C1orf146: variants seen among roughly 807,000 people sequenced by gnomAD.
C1orf146 encodes the protein protein SPO16 homolog.
C1orf146 carries 22 observed loss-of-function variants against 23.0 expected under a neutral mutation model. The ratio of observed to expected loss-of-function variants is 0.96; its 90% CI spans 0.68 to 1.36. C1orf146 has a LOEUF of 1.36. Among genes scored for constraint, C1orf146 ranks in the 40% most tolerant of loss-of-function variants. C1orf146 has a pLI of 0.00. For missense variants in C1orf146, 199 were observed against 206.8 expected (o/e 0.96, Z 0.23); for synonymous variants, 59 against 65.3 (o/e 0.90, Z 0.47).
intron 1 of C1orf146, among the ~76,000 whole-genome samples, chr1:92,225,071 G>A (rs1651933509): frequency 6.6e-6 from 1 of 150,644 alleles, no homozygotes; most frequent in South Asian, 2.1e-4. Context: ...ATGGAATAAG[G>A]TATTAATTTG....
intron 3 of C1orf146, among the ~76,000 whole-genome samples, chr1:92,244,011 C>T (rs181779970): frequency 6.6e-6 from 1 of 150,522 alleles, no homozygotes; most frequent in Non-Finnish European, 1.5e-5. Context: ...TTATTTAGCA[C>T]AAGTCATTCT....
At chr1:92,242,683 TAA>T (rs1237052917) in intron 3 of C1orf146, among the ~76,000 whole-genome samples, 3 of 152,198 alleles carry the variant, frequency 2.0e-5, no homozygotes, top group South Asian at 2.1e-4. Flanking sequence ...TTAATTTTTA[TAA>T]GAGTTTGCTG....
intron 2 of C1orf146, among the ~76,000 whole-genome samples, chr1:92,233,444 G>T (rs1652185752): frequency 1.3e-5 from 2 of 152,054 alleles, no homozygotes; most frequent in African/African-American, 4.8e-5. Context: ...ATTTCTGAGG[G>T]CTGTGTTCTG....
At chr1:92,244,418 CTTATA>C (rs762282552) in intron 4 of C1orf146, 33 bp downstream of exon 4, 3 of 1,484,648 alleles carry the variant, frequency 2.0e-6, no homozygotes, top group South Asian at 2.6e-5. Context: ...ACTTATTTTT[CTTATA>C]TTGTATTTAT....
At chr1:92,243,969 A>G (rs932176548) in intron 3 of C1orf146, among the ~76,000 whole-genome samples, 1 of 151,996 alleles carries the variant, frequency 6.6e-6, no homozygotes, top group Non-Finnish European at 1.5e-5. Flanking sequence ...AAAAAAAAAA[A>G]CAGTAGTTAC....
intron 1 of C1orf146, among the ~76,000 whole-genome samples, chr1:92,227,865 T>C (rs1458270355): frequency 6.6e-6 from 1 of 152,106 alleles, no homozygotes; most frequent in Non-Finnish European, 1.5e-5. Flanking sequence ...ACTTTGTTAA[T>C]CTGTTGCTTA....
At chr1:92,223,240 A>G (rs910898714) in intron 1 of C1orf146, among the ~76,000 whole-genome samples, 5 of 152,118 alleles carry the variant, frequency 3.3e-5, no homozygotes, top group African/African-American at 9.7e-5. Context: ...ATGTCAAACT[A>G]TTTTCCAAGT....
chr1:92,220,021 C>A (rs1651781332), intron 1 of C1orf146, among the ~76,000 whole-genome samples: 1 of 152,168 alleles, frequency 6.6e-6, no homozygotes, highest in Non-Finnish European at 1.5e-5. Flanking sequence ...GGAGCTCTTT[C>A]AGTTGGTTCC....
At chr1:92,241,646 A>C (rs571414247) in intron 2 of C1orf146, among the ~76,000 whole-genome samples, 1 of 152,160 alleles carries the variant, frequency 6.6e-6, no homozygotes, top group Admixed American at 6.5e-5. Flanking sequence ...GCATCACCAC[A>C]CCCAGCAAAT....
At chr1:92,236,842 G>A (rs369654700) in intron 2 of C1orf146, among the ~76,000 whole-genome samples, 9 of 152,004 alleles carry the variant, frequency 5.9e-5, no homozygotes, top group East Asian at 5.8e-4. Flanking sequence ...TTCCCTTCTC[G>A]CTTCATTTCA....
At chr1:92,225,651 T>C (rs2100729990) in intron 1 of C1orf146, among the ~76,000 whole-genome samples, 1 of 150,456 alleles carries the variant, frequency 6.6e-6, no homozygotes, top group African/African-American at 2.5e-5. Context: ...TGTATGACTT[T>C]TGTTTCATGT....
intron 1 of C1orf146, among the ~76,000 whole-genome samples, chr1:92,222,656 G>A (rs950249407): frequency 7.1e-6 from 1 of 141,076 alleles, no homozygotes; most frequent in African/African-American, 2.7e-5. Context: ...GCGCCATCTT[G>A]GCTCACTGCA....
At chr1:92,222,905 A>T (rs1363980052) in intron 1 of C1orf146, among the ~76,000 whole-genome samples, 1 of 152,052 alleles carries the variant, frequency 6.6e-6, no homozygotes, top group African/African-American at 2.4e-5. Flanking sequence ...TATTTCTTAT[A>T]TAAAATAAAC....
intron 2 of C1orf146, among the ~76,000 whole-genome samples, chr1:92,233,055 G>A (rs997153376): frequency 1.3e-5 from 2 of 151,860 alleles, no homozygotes; most frequent in Non-Finnish European, 1.5e-5. Flanking sequence ...CCCATTTTGT[G>A]GGTTGCCTGT....
rs557063549 is a variant in C1orf146, at chr1:92,237,601, C to T, written c.67-4611C>T. Among the ~76,000 whole-genome samples, 6 of 152,176 alleles carry T rather than the reference C, an allele frequency of 3.9e-5. No individual in the cohort carries two copies. In the East Asian group the frequency reaches 5.8e-4, roughly 15 times the overall value. On this transcript the variant is annotated intron_variant, in intron 2 of 5. Coordinates refer to ENST00000370375, the MANE Select transcript of C1orf146 (RefSeq NM_001012425.2). The stretch of plus-strand genomic sequence containing the variant: ...CTGCCTGTTCTCAGATCTCCAGCTG[C>T]GTGCTGGGAGAACCACTGCTCTCTT...
intron 2 of C1orf146, among the ~76,000 whole-genome samples, chr1:92,235,350 C>T (rs916096623): frequency 2.0e-4 from 31 of 152,094 alleles, no homozygotes; most frequent in African/African-American, 6.8e-4. Context: ...TTTATTTCTG[C>T]CTTCATTTCA....
chr1:92,242,864 G>A (rs1028217167), intron 3 of C1orf146, among the ~76,000 whole-genome samples: 2 of 152,148 alleles, frequency 1.3e-5, no homozygotes, highest in African/African-American at 4.8e-5. Flanking sequence ...CTTGAGAAAT[G>A]ACAGAAGTGA....
intron 2 of C1orf146, among the ~76,000 whole-genome samples, chr1:92,236,528 G>C (rs1248311450): frequency 6.6e-6 from 1 of 152,066 alleles, no homozygotes; most frequent in African/African-American, 2.4e-5. Flanking sequence ...CTTTCTCTCT[G>C]GCTGCCCTTA....
chr1:92,239,569 TG>T (rs1458252248), intron 2 of C1orf146, among the ~76,000 whole-genome samples: 1 of 152,044 alleles, frequency 6.6e-6, no homozygotes, highest in Non-Finnish European at 1.5e-5. Context: ...CTGGCCAACA[TG>T]GTGAAACCCT....
Sources: gnomAD v4.1 joint callset for allele counts (sites outside exome capture counted in the v4.1 genomes callset) on GRCh38, gnomAD v4.1.1 for gene constraint, MANE v1.5 for transcripts, NCBI Gene and HGNC (gene_info 2026-07-23, HGNC 2026-07-21) for gene names.